ASB3: variants seen among roughly 807,000 people sequenced by gnomAD.
ASB3 encodes ankyrin repeat and SOCS box containing 3, also known as ankyrin repeat and SOCS box protein 3.
ASB3 carries 41 observed loss-of-function variants against 54.5 expected under a neutral mutation model. The ratio of observed to expected loss-of-function variants is 0.75; its 90% CI spans 0.59 to 0.98. ASB3 has a LOEUF of 0.98. Ranked by LOEUF, ASB3 falls within the 50% of genes least tolerant of loss-of-function variation. The pLI is 0.00. For synonymous variants in ASB3, 266 were observed against 221.2 expected, an observed-to-expected ratio of 1.20 and a Z score of -1.80; for missense variants, 733 against 620.0, an observed-to-expected ratio of 1.18 and a Z score of -1.94.
At chr2:53,720,196 C>G (rs751948101) in intron 5 of ASB3, among the ~76,000 whole-genome samples, 2 of 151,428 alleles carry the variant, frequency 1.3e-5, no homozygotes, top group Non-Finnish European at 2.9e-5. Context: ...TGGACATACT[C>G]TCCCCACTTT....
At chr2:53,738,979 G>A (rs1671790649) in intron 3 of ASB3, among the ~76,000 whole-genome samples, 1 of 152,168 alleles carries the variant, frequency 6.6e-6, no homozygotes, top group Non-Finnish European at 1.5e-5. Context: ...GAAGAGAAAA[G>A]CCAGAACCTC....
intron 7 of ASB3, among the ~76,000 whole-genome samples, chr2:53,711,826 C>A (rs1453501710): frequency 6.6e-6 from 1 of 151,886 alleles, no homozygotes; most frequent in African/African-American, 2.4e-5. Flanking sequence ...GGTCACTTCA[C>A]CAAGTTACCA....
chr2:53,717,103 A>G (rs1670440501), intron 5 of ASB3, among the ~76,000 whole-genome samples: 1 of 152,192 alleles, frequency 6.6e-6, no homozygotes, highest in African/African-American at 2.4e-5. Flanking sequence ...CAAGTGATTC[A>G]TATCTTAGAA....
At chr2:53,777,634 A>T (rs1674415302) in intron 1 of ASB3, among the ~76,000 whole-genome samples, 1 of 152,198 alleles carries the variant, frequency 6.6e-6, no homozygotes, top group African/African-American at 2.4e-5. Context: ...CAACCAGAAA[A>T]TCTGGTCCCA....
intron 8 of ASB3, chr2:53,694,416 C>G (rs1357508369): frequency 6.3e-6 from 1 of 158,168 alleles, no homozygotes; most frequent in African/African-American, 2.4e-5. Flanking sequence ...CCAAACACCC[C>G]AAGTTATCCC....
At chr2:53,700,233 T>C (rs557359057) in intron 8 of ASB3, 38 bp downstream of exon 8, 1 of 1,586,748 alleles carries the variant, frequency 6.3e-7, no homozygotes, top group East Asian at 2.2e-5. Context: ...GTATATTCAC[T>C]CAAAAAGGGT....
intron 3 of ASB3, among the ~76,000 whole-genome samples, chr2:53,745,763 A>T (rs1672188857): frequency 1.3e-5 from 2 of 152,076 alleles, no homozygotes; most frequent in Non-Finnish European, 2.9e-5. Context: ...GAGAAACAAA[A>T]TACCTCAAAC....
chr2:53,774,614 G>C, intron 1 of ASB3: 3 of 959,920 alleles, frequency 3.1e-6, no homozygotes, highest in Non-Finnish European at 4.4e-6. Context: ...AATGTAGTGA[G>C]GATATTATTT....
At chr2:53,772,035 T>C (rs1673956945) in intron 1 of ASB3, 6 of 742,924 alleles carry the variant, frequency 8.1e-6, no homozygotes, top group Non-Finnish European at 1.3e-5. Flanking sequence ...TCACAGACAA[T>C]TTGAACTACC....
At chr2:53,769,081 C>A (rs1673706069) in intron 1 of ASB3, among the ~76,000 whole-genome samples, 1 of 152,160 alleles carries the variant, frequency 6.6e-6, no homozygotes, top group Non-Finnish European at 1.5e-5. Context: ...GACACAGTGA[C>A]CTGAAAAGGG....
intron 8 of ASB3, among the ~76,000 whole-genome samples, chr2:53,699,652 A>G (rs1669375107): frequency 1.3e-5 from 2 of 151,950 alleles, no homozygotes. Context: ...TATTAGGCCA[A>G]GAGTCCTCTC....
chr2:53,717,078 A>G (rs1028203060), intron 5 of ASB3, among the ~76,000 whole-genome samples: 1 of 152,200 alleles, frequency 6.6e-6, no homozygotes, highest in East Asian at 1.9e-4. Context: ...TCTTGCCTCT[A>G]CGTCAGCAAG....
intron 7 of ASB3, among the ~76,000 whole-genome samples, chr2:53,713,748 A>G (rs1308654592): frequency 6.6e-6 from 1 of 152,042 alleles, no homozygotes; most frequent in African/African-American, 2.4e-5. Context: ...CCCCATCTCT[A>G]CTAAAAATAA....
At chr2:53,777,731 A>G (rs1368337370) in intron 1 of ASB3, among the ~76,000 whole-genome samples, 1 of 152,256 alleles carries the variant, frequency 6.6e-6, no homozygotes, top group African/African-American at 2.4e-5. Flanking sequence ...TACTCATATC[A>G]ATTTATAAGC....
At chr2:53,750,671 T>A (rs1331157181) in intron 3 of ASB3, 112 bp downstream of exon 3, 4 of 1,181,484 alleles carry the variant, frequency 3.4e-6, no homozygotes, top group Middle Eastern at 2.8e-4. Context: ...GGTATGATAG[T>A]TGCCAAAAGA....
intron 3 of ASB3, among the ~76,000 whole-genome samples, 186 bp downstream of exon 3, chr2:53,750,597 G>C (rs72799210): frequency 2.7e-3 from 410 of 152,106 alleles, no homozygotes; most frequent in Admixed American, 4.8e-3. Context: ...TACCACCCAA[G>C]AATAGAAAAC....
chr2:53,765,953 G>T (rs1405502292), intron 1 of ASB3, among the ~76,000 whole-genome samples: 1 of 145,174 alleles, frequency 6.9e-6, no homozygotes, highest in Non-Finnish European at 1.6e-5. Flanking sequence ...ATTGATAAGA[G>T]CACCTCTGCT....
At position 53,714,607 on chromosome 2, in the gene ASB3, T is replaced by C. The variant is rs116004609; in HGVS notation, c.783-26A>G. On this transcript the variant is annotated intron_variant, in intron 6 of 9. Coordinates refer to ENST00000263634, the MANE Select transcript of ASB3 (RefSeq NM_016115.5). ...CTATAAATACACAAATTCAGGAGAA[T>C]TTAGTGTTTGTATATGTGCATAAAT... The C allele has an allele frequency of 3.1e-6, 5 of 1,611,008 alleles. No individual in the cohort carries two copies. The African/African-American group carries it at 4.0e-5, about 13-fold the overall frequency.
intron 9 of ASB3, among the ~76,000 whole-genome samples, chr2:53,686,827 T>C (rs1437586725): frequency 6.6e-6 from 1 of 152,140 alleles, no homozygotes; most frequent in African/African-American, 2.4e-5. Flanking sequence ...AATCAAGCGA[T>C]TCTCCTGCCT....
Sources: gnomAD v4.1 joint callset for allele counts (sites outside exome capture counted in the v4.1 genomes callset) on GRCh38, gnomAD v4.1.1 for gene constraint, MANE v1.5 for transcripts, NCBI Gene and HGNC (gene_info 2026-07-23, HGNC 2026-07-21) for gene names.